PAK3: variants seen among roughly 807,000 people sequenced by gnomAD.
PAK3 encodes serine/threonine-protein kinase PAK 3.
PAK3 carries 4 observed loss-of-function variants against 41.0 expected under a neutral mutation model. The ratio of observed to expected loss-of-function variants is 0.10; its 90% CI spans 0.05 to 0.22. The LOEUF is 0.22. PAK3 is among the 10% of genes least tolerant of loss of function. The pLI, the probability that PAK3 is intolerant of heterozygous loss-of-function variation, is 1.00. For missense variants in PAK3, 205 were observed against 409.9 expected (o/e 0.50, Z 4.32); for synonymous variants, 146 against 139.6 (o/e 1.05, Z -0.32).
At chrX:111,018,177 A>G (rs1384902979) in intron 1 of PAK3, among the ~76,000 whole-genome samples, 1 of 111,905 alleles carries the variant, frequency 8.9e-6, no homozygotes, top group Admixed American at 9.5e-5. Flanking sequence ...TGATCAGAAC[A>G]AGACAAGGAT....
chrX:111,216,389 TGC>T, intron 16 of PAK3, 30 bp from the exon 17 acceptor site: 2 of 1,116,457 alleles, frequency 1.8e-6, no homozygotes, highest in Non-Finnish European at 2.5e-6. Context: ...AATATGTATG[TGC>T]TGAATGGATT....
chrX:111,053,484 G>T (rs1010762281), intron 1 of PAK3, among the ~76,000 whole-genome samples: 1 of 111,685 alleles, frequency 9.0e-6, no homozygotes, highest in Non-Finnish European at 1.9e-5. Flanking sequence ...AATAGGCAAC[G>T]ATTCTAGAGT....
At chrX:111,171,880 A>G (rs1012657787) in intron 10 of PAK3, among the ~76,000 whole-genome samples, 1 of 112,126 alleles carries the variant, frequency 8.9e-6, no homozygotes, top group Middle Eastern at 4.6e-3. Flanking sequence ...TGTAAATCAT[A>G]TGTCAGTAAA....
intron 1 of PAK3, among the ~76,000 whole-genome samples, chrX:111,022,894 T>TATA (rs1556445419): frequency 5.5e-5 from 6 of 108,689 alleles, no homozygotes; most frequent in Admixed American, 2.0e-4. Context: ...GCTATTCTTT[T>TATA]TATATATATA....
At chrX:111,117,033 A>T (rs140335658) in intron 4 of PAK3, among the ~76,000 whole-genome samples, 1 of 111,644 alleles carries the variant, frequency 9.0e-6, no homozygotes. Flanking sequence ...CTCTGATAGC[A>T]GAGTTCCCTT....
intron 14 of PAK3, among the ~76,000 whole-genome samples, chrX:111,194,687 T>A (rs1569458487): frequency 8.9e-6 from 1 of 112,245 alleles, no homozygotes; most frequent in Non-Finnish European, 1.9e-5. Flanking sequence ...ACCCACATGC[T>A]GTAGTTTCCG....
rs1456550291 is a variant in PAK3, at chrX:110,985,797, G to A, written c.-28+41169G>A. Among the ~76,000 whole-genome samples the A allele has an allele frequency of 2.7e-5, 3 of 112,320 alleles. No homozygotes were observed. The East Asian group carries it at 8.4e-4, about 31-fold the overall frequency. Reference sequence around the variant, plus strand: ...TAGAATTATCCACATTTGATGATGAGCAAACTGAAACCCAGGTGATTCAGT... The same window carrying A: ...TAGAATTATCCACATTTGATGATGAACAAACTGAAACCCAGGTGATTCAGT... On this transcript the variant is annotated intron_variant, in intron 1 of 14. Coordinates refer to the PAK3 transcript ENST00000425146.
chrX:111,142,057 T>C, intron 5 of PAK3, 39 bp from the exon 6 acceptor site: 1 of 823,427 alleles, frequency 1.2e-6, no homozygotes, highest in East Asian at 3.1e-5. Flanking sequence ...ATGCCAAAAC[T>C]ATACCCCAAA....
chrX:111,184,575 G>A (rs933648447), intron 11 of PAK3, among the ~76,000 whole-genome samples: 2 of 89,043 alleles, frequency 2.2e-5, no homozygotes, highest in Non-Finnish European at 4.4e-5. Context: ...AACAGGCCCC[G>A]GTGTGTGATG....
At chrX:111,213,790 T>G (rs1383109667) in intron 16 of PAK3, among the ~76,000 whole-genome samples, 3 of 112,165 alleles carry the variant, frequency 2.7e-5, no homozygotes, top group African/African-American at 9.7e-5. Context: ...GGAATAAAGA[T>G]GTTTGGGAGG....
chrX:111,220,945 C>CAAAAAAAA lies in PAK3; in HGVS notation c.*508_*515dup. On this transcript the variant is annotated 3_prime_UTR_variant, in exon 18 of 18. Transcript: ENST00000372007. Reference sequence around the variant, plus strand: ...AAAAAAGAAAGCAAAAAAAGCAAGGCAAAAAAAAAAAAAAAAACAAACAAA... The same window carrying CAAAAAAAA: ...AAAAAAGAAAGCAAAAAAAGCAAGGCAAAAAAAAAAAAAAAAAAAAAAAAACAAACAAA... 3 of 49,416 alleles carry CAAAAAAAA rather than the reference C, an allele frequency of 6.1e-5. No individual in the cohort carries two copies. The highest frequency in any genetic ancestry group is 1.7e-4 in the African/African-American group (2 of 11,733). 4.1% of individuals were successfully genotyped at this position (49,416 alleles called of 1,213,427 possible).
chrX:111,165,033 C>T (rs1006523792), intron 10 of PAK3, among the ~76,000 whole-genome samples: 1 of 111,252 alleles, frequency 9.0e-6, no homozygotes, highest in African/African-American at 3.3e-5. Flanking sequence ...CTGCTAGTAG[C>T]ATATAATGGG....
intron 15 of PAK3, among the ~76,000 whole-genome samples, 161 bp from the exon 16 acceptor site, chrX:111,196,283 A>T (rs1470813990): frequency 6.2e-5 from 7 of 112,433 alleles, no homozygotes; most frequent in Non-Finnish European, 1.3e-4. Context: ...AGACCTTCTT[A>T]AAATCAGGAC....
intron 6 of PAK3, among the ~76,000 whole-genome samples, chrX:111,144,321 A>G (rs996534285): frequency 3.6e-5 from 4 of 112,105 alleles, no homozygotes; most frequent in Non-Finnish European, 7.5e-5. Context: ...CTAAATTTGG[A>G]AAATGGAAGT....
At chrX:110,954,002 GTTC>G (rs758339978) in intron 1 of PAK3, among the ~76,000 whole-genome samples, 2 of 111,346 alleles carry the variant, frequency 1.8e-5, no homozygotes, top group African/African-American at 6.5e-5. Context: ...TTCAACTTTT[GTTC>G]TTCTTCCCTT....
intron 4 of PAK3, among the ~76,000 whole-genome samples, chrX:111,121,512 A>G (rs1486189748): frequency 8.9e-6 from 1 of 112,136 alleles, no homozygotes; most frequent in Admixed American, 9.4e-5. Context: ...ACTGAGAGTA[A>G]TAAACATACT....
At chrX:111,013,159 G>A (rs1329443158) in intron 1 of PAK3, among the ~76,000 whole-genome samples, 1 of 112,171 alleles carries the variant, frequency 8.9e-6, no homozygotes, top group African/African-American at 3.2e-5. Context: ...AAGATACTTT[G>A]CTGTGTGTGA....
intron 1 of PAK3, among the ~76,000 whole-genome samples, chrX:110,972,663 G>A (rs1165506414): frequency 8.9e-6 from 1 of 111,925 alleles, no homozygotes; most frequent in African/African-American, 3.2e-5. Flanking sequence ...CTCCTGCAAA[G>A]GTTTGCAGCT....
chrX:111,138,105 T>C (rs1196254320), intron 5 of PAK3, among the ~76,000 whole-genome samples: 1 of 109,834 alleles, frequency 9.1e-6, no homozygotes, highest in Non-Finnish European at 1.9e-5. Context: ...AAAACTTTGG[T>C]TCTGGAGACA....
Sources: gnomAD v4.1 joint callset for allele counts (sites outside exome capture counted in the v4.1 genomes callset) on GRCh38, gnomAD v4.1.1 for gene constraint, MANE v1.5 for transcripts, NCBI Gene and HGNC (gene_info 2026-07-23, HGNC 2026-07-21) for gene names.